The following ANKS1B variants were observed in gnomAD, a reference collection of about 807,000 sequenced individuals.
ANKS1B encodes ankyrin repeat and sterile alpha motif domain-containing protein 1B.
Under a neutral mutation model 148.3 loss-of-function variants are expected in ANKS1B, and 36 were observed. That is an observed-to-expected ratio of 0.24 (90% CI 0.19 to 0.32). The LOEUF (loss-of-function observed/expected upper bound fraction) is 0.32. Ranked by LOEUF, ANKS1B falls within the 10% of genes least tolerant of loss-of-function variation. ANKS1B has a pLI of 1.00. For synonymous variants in ANKS1B, 542 were observed against 560.8 expected (o/e 0.97, Z 0.47); for missense variants, 1,157 against 1,542.6 (o/e 0.75, Z 4.19).
At chr12:99,957,576 C>A (rs1414129248) in intron 1 of ANKS1B, among the ~76,000 whole-genome samples, 2 of 152,320 alleles carry the variant, frequency 1.3e-5, no homozygotes, top group African/African-American at 2.4e-5. Context: ...GCTTTTGAGT[C>A]AAGCAATCTT....
chr12:99,595,451 T>C (rs2097749315), intron 9 of ANKS1B, among the ~76,000 whole-genome samples: 1 of 151,830 alleles, frequency 6.6e-6, no homozygotes, highest in Non-Finnish European at 1.5e-5. Flanking sequence ...TAGTAAAAAA[T>C]GAAAAGTAAT....
chr12:99,444,911 T>C (rs1186355173), intron 10 of ANKS1B, among the ~76,000 whole-genome samples: 5 of 151,968 alleles, frequency 3.3e-5, no homozygotes, highest in African/African-American at 9.6e-5. Context: ...CTTTTCCTCA[T>C]AAAACACAAA....
intron 1 of ANKS1B, among the ~76,000 whole-genome samples, chr12:99,863,396 G>C (rs1189059272): frequency 6.6e-6 from 1 of 152,090 alleles, no homozygotes; most frequent in Non-Finnish European, 1.5e-5. Context: ...TGATAACTGA[G>C]TTTTCCTTCT....
At chr12:99,039,037 A>G (rs2099957271) in intron 17 of ANKS1B, among the ~76,000 whole-genome samples, 1 of 152,224 alleles carries the variant, frequency 6.6e-6, no homozygotes, top group African/African-American at 2.4e-5. Flanking sequence ...TTTTGTTTCC[A>G]ATGCATTTCT....
At chr12:98,759,730 T>C (rs1245725384) in intron 25 of ANKS1B, among the ~76,000 whole-genome samples, 1 of 152,180 alleles carries the variant, frequency 6.6e-6, no homozygotes, top group Admixed American at 6.5e-5. Context: ...TAGGTAGCCA[T>C]TTAACATGAA....
chr12:99,387,218 A>G (rs920641507), intron 12 of ANKS1B, among the ~76,000 whole-genome samples: 3 of 152,188 alleles, frequency 2.0e-5, no homozygotes, highest in East Asian at 3.9e-4. Flanking sequence ...CCCAAAATTC[A>G]TATGTTTAAA....
intron 1 of ANKS1B, among the ~76,000 whole-genome samples, chr12:99,924,808 A>C (rs1425509290): frequency 6.6e-6 from 1 of 152,132 alleles, no homozygotes; most frequent in Non-Finnish European, 1.5e-5. Context: ...CACTCAGTCA[A>C]TGGTATCTTA....
In ANKS1B at chr12:99,772,951, C is replaced by G; in HGVS notation, c.1099G>C (p.Glu367Gln). 6.2e-7 allele frequency: 1 copy of G among 1,610,814 alleles called. No homozygotes were observed. Among genetic ancestry groups the G allele is most frequent in the South Asian group, 1.1e-5 (1 of 90,258 alleles). Residue 367 changes from glutamate (E) to glutamine (Q), a missense_variant, in exon 8 of 27, where the codon GAA (glutamate) becomes CAA (glutamine). Glu to Gln is a conservative substitution (Grantham distance 29, BLOSUM62 2). Coordinates refer to ENST00000683438, the MANE Select transcript of ANKS1B (RefSeq NM_001352186.2). ...CTCTGGCTTCCATTTTTCCCAAGTT[C>G]TTCCTCTGAAATCTTGCTCAAATTA... ...LDNLSKISEE[E>Q]LGKNGSQSVR...
chr12:99,496,793 C>A (rs2096608797), intron 10 of ANKS1B, among the ~76,000 whole-genome samples: 1 of 151,880 alleles, frequency 6.6e-6, no homozygotes. Flanking sequence ...TACAAGAGAC[C>A]ACAGAAAGGA....
Position 99,711,465 on chromosome 12 carries a change from G to A in ANKS1B, c.1129-56255C>T, listed in dbSNP as rs368437374. ...AGCCTCCACCCTCTGATAGGTCCCA[G>A]TGTATGTTGTTTCCCTCTATGACTT... On this transcript the variant is annotated intron_variant, in intron 8 of 26. Transcript: ENST00000683438. Among the ~76,000 whole-genome samples, 50 of 152,040 alleles carry A rather than the reference G, an allele frequency of 3.3e-4. 1 individual carries two copies. The highest frequency in any genetic ancestry group is 1.2e-3 in the African/African-American group (50 of 41,484).
intron 19 of ANKS1B, among the ~76,000 whole-genome samples, chr12:98,813,468 C>T (rs928725672): frequency 1.3e-5 from 2 of 150,974 alleles, no homozygotes; most frequent in African/African-American, 2.4e-5. Flanking sequence ...CTGCCTTCTT[C>T]GGCCTCCGGA....
chr12:99,337,373 T>G (rs1397730650), intron 12 of ANKS1B, among the ~76,000 whole-genome samples: 1 of 152,078 alleles, frequency 6.6e-6, no homozygotes, highest in African/African-American at 2.4e-5. Flanking sequence ...TTTGTTAAAT[T>G]TATCTGATAG....
intron 12 of ANKS1B, among the ~76,000 whole-genome samples, chr12:99,254,919 G>A (rs1028264697): frequency 2.0e-5 from 3 of 152,118 alleles, no homozygotes; most frequent in Non-Finnish European, 4.4e-5. Context: ...TGGTTTGTTA[G>A]TACTTTGGGA....
intron 9 of ANKS1B, among the ~76,000 whole-genome samples, chr12:99,523,334 A>G (rs1312072286): frequency 6.6e-6 from 1 of 152,224 alleles, no homozygotes; most frequent in Non-Finnish European, 1.5e-5. Flanking sequence ...CGTGTATGAC[A>G]AACATTTAAA....
At chr12:98,771,484 T>A (rs919972358) in intron 25 of ANKS1B, among the ~76,000 whole-genome samples, 7 of 152,060 alleles carry the variant, frequency 4.6e-5, no homozygotes, top group Admixed American at 2.0e-4. Flanking sequence ...TAACTTTTTT[T>A]AAAAATTGAG....
rs1490864656 is a variant in ANKS1B at position 99,984,240 on chromosome 12, T to C, written c.-3A>G. 6.2e-6 allele frequency: 10 copies of C among 1,611,976 alleles called. No homozygotes were observed. Among genetic ancestry groups the C allele is most frequent in the South Asian group, 3.3e-5 (3 of 90,918 alleles). Reference sequence around the variant, plus strand: ...AGCAGCTCCTGGTCCTTCCCCATAGTCTCTCACCGACTCCCCCACAGAGTC... The same window carrying C: ...AGCAGCTCCTGGTCCTTCCCCATAGCCTCTCACCGACTCCCCCACAGAGTC... On this transcript the variant is annotated 5_prime_UTR_variant, in exon 1 of 27. Transcript: ENST00000683438.
At chr12:98,901,815 T>C (rs1254366451) in intron 17 of ANKS1B, among the ~76,000 whole-genome samples, 1 of 152,114 alleles carries the variant, frequency 6.6e-6, no homozygotes. Context: ...TGAACAGACA[T>C]GTGTGGCTAT....
intron 17 of ANKS1B, among the ~76,000 whole-genome samples, chr12:99,043,284 G>A (rs952213614): frequency 1.3e-5 from 2 of 152,088 alleles, no homozygotes; most frequent in Non-Finnish European, 2.9e-5. Context: ...ACAGTAGAGG[G>A]TTTTCCCCAT....
At chr12:99,785,449 T>A (rs1350909842) in intron 4 of ANKS1B, among the ~76,000 whole-genome samples, 1 of 152,172 alleles carries the variant, frequency 6.6e-6, no homozygotes, top group African/African-American at 2.4e-5. Flanking sequence ...GTTTTTCTTT[T>A]TTGAGATGGA....
Sources: gnomAD v4.1 joint callset for allele counts (sites outside exome capture counted in the v4.1 genomes callset) on GRCh38, gnomAD v4.1.1 for gene constraint, MANE v1.5 for transcripts, NCBI Gene and HGNC (gene_info 2026-07-23, HGNC 2026-07-21) for gene names.